Variants in RTF1 observed in about 807,000 individuals in gnomAD.
The protein encoded by RTF1 is RTF1 homolog, Paf1/RNA polymerase II complex component.
RTF1 carries 10 observed loss-of-function variants against 95.7 expected under a neutral mutation model. The observed-to-expected ratio is 0.10, with a 90% CI of 0.06 to 0.18. The LOEUF is 0.18. Ranked by LOEUF, RTF1 falls within the 10% of genes least tolerant of loss-of-function variation. The probability of loss-of-function intolerance (pLI) is 1.00; values close to 1 mark genes in which losing one functional copy is unlikely to be tolerated. For missense variants in RTF1, 458 were observed against 875.6 expected (o/e 0.52, Z 6.02); for synonymous variants, 305 against 311.8 (o/e 0.98, Z 0.23).
intron 3 of RTF1, among the ~76,000 whole-genome samples, chr15:41,454,925 A>G (rs1457201424): frequency 6.6e-6 from 1 of 152,182 alleles, no homozygotes; most frequent in Non-Finnish European, 1.5e-5. Context: ...CAGATAGACA[A>G]AATTTTCATC....
At chr15:41,441,830 C>G (rs2050737484) in intron 2 of RTF1, among the ~76,000 whole-genome samples, 1 of 152,176 alleles carries the variant, frequency 6.6e-6, no homozygotes, top group Non-Finnish European at 1.5e-5. Flanking sequence ...TATTGTAACT[C>G]TACTCCAGTC....
At position 41,464,933 on chromosome 15, in the gene RTF1, AGTGTGTGTGTGTGTGT is replaced by A. The variant is rs67065750; in HGVS notation, c.777+67_777+82del. Reference sequence around the variant, plus strand: ...TTGTCCAAAGAATAAACCTGTTTTGAGTGTGTGTGTGTGTGTGTGTGTGTGTGTGTGTGTAAAAGGT... The same window carrying A: ...TTGTCCAAAGAATAAACCTGTTTTGAGTGTGTGTGTGTGTGTGTAAAAGGT... On this transcript the variant is annotated intron_variant, in intron 5 of 17. Transcript: ENST00000389629. 200 of 1,304,738 alleles carry A rather than the reference AGTGTGTGTGTGTGTGT, an allele frequency of 1.5e-4. 3 individuals carry two copies. In the Admixed American group the frequency reaches 5.3e-3, roughly 35 times the overall value. The allele number at this position is 1,304,738 out of a possible 1,614,324, so 80.8% of individuals were successfully genotyped here.
chr15:41,462,628 C>T (rs1211401667), intron 4 of RTF1, among the ~76,000 whole-genome samples: 1 of 152,184 alleles, frequency 6.6e-6, no homozygotes, highest in Non-Finnish European at 1.5e-5. Context: ...CAGAGTTGTG[C>T]AATCATCACC....
chr15:41,418,609 G>A (rs564640430), intron 1 of RTF1, among the ~76,000 whole-genome samples: 2 of 152,138 alleles, frequency 1.3e-5, no homozygotes, highest in Admixed American at 1.3e-4. Flanking sequence ...TCGGGAGTTC[G>A]AGACCAGCCT....
chr15:41,432,861 C>T (rs1159373138), intron 1 of RTF1, among the ~76,000 whole-genome samples: 1 of 151,752 alleles, frequency 6.6e-6, no homozygotes, highest in African/African-American at 2.4e-5. Context: ...ATTGCTTGAA[C>T]CAGGAGGCCG....
In RTF1 at chr15:41,453,128, A is replaced by AGT. The variant is rs1555386242; in HGVS notation, c.457+81_457+82insTG. 7.8e-4 allele frequency: 978 copies of AGT among 1,252,116 alleles called. 10 individuals are homozygous for AGT. In the African/African-American group the frequency reaches 0.012, roughly 15 times the overall value. 77.6% of individuals were successfully genotyped at this position (1,252,116 alleles called of 1,614,324 possible). A position where few individuals can be genotyped will look rare whatever the true frequency, so the allele number is the denominator to read the frequency against. On this transcript the variant is annotated intron_variant, in intron 3 of 17. Transcript: ENST00000389629. Reference sequence around the variant, plus strand: ...GGTGCAAAGGCAGAAGTGGGGAGGAAGGGGGGTACTTGCATTCAGCATGAC... The same window carrying AGT: ...GGTGCAAAGGCAGAAGTGGGGAGGAAGTGGGGGGTACTTGCATTCAGCATGAC...
intron 7 of RTF1, 32 bp from the exon 8 acceptor site, chr15:41,471,140 C>A: frequency 6.4e-7 from 1 of 1,555,308 alleles, no homozygotes; most frequent in South Asian, 1.2e-5. Context: ...TTATGATGAA[C>A]ATTTTTTCCA....
chr15:41,426,783 G>A (rs1280546917), intron 1 of RTF1, among the ~76,000 whole-genome samples: 17 of 62,734 alleles, frequency 2.7e-4, no homozygotes, highest in African/African-American at 1.1e-3. Flanking sequence ...ACATATATAT[G>A]TGTGTGTGTG....
chr15:41,434,815 G>C (rs1460778055), intron 1 of RTF1, among the ~76,000 whole-genome samples: 3 of 151,838 alleles, frequency 2.0e-5, no homozygotes, highest in Admixed American at 2.0e-4. Context: ...TTTTAGTAGA[G>C]ACGGAGTTTC....
chr15:41,438,978 T>C (rs1229397774), intron 2 of RTF1, among the ~76,000 whole-genome samples: 1 of 151,910 alleles, frequency 6.6e-6, no homozygotes, highest in East Asian at 1.9e-4. Context: ...TTTTTTTTTT[T>C]TTTTCAGCCT....
chr15:41,437,813 G>A (rs76051793), intron 1 of RTF1, among the ~76,000 whole-genome samples: 1,766 of 152,276 alleles, frequency 0.012, 18 homozygotes, highest in Non-Finnish European at 0.02. Flanking sequence ...CTTACTGCTT[G>A]TTGTCACAGA....
At position 41,438,376 on chromosome 15, in the gene RTF1, C is replaced by T. The variant is rs1259669337; in HGVS notation, c.254C>T (p.Pro85Leu). The change falls in exon 2 of 18, where the codon CCT (proline) becomes CTT (leucine). Residue 85 changes from proline (P) to leucine (L), a missense_variant. By Grantham distance (98) the Pro-to-Leu change is moderately conservative. Transcript: ENST00000389629. ...KRSDSEEKEP[P>L]VSQPAASSDS... is the part of the protein sequence containing the mutation. ...AGTGACTCTGAGGAGAAGGAGCCGCCTGTGAGTCAGCCTGCAGCCTCGTCA... is the reference window on the plus strand; with the variant it reads ...AGTGACTCTGAGGAGAAGGAGCCGCTTGTGAGTCAGCCTGCAGCCTCGTCA... 4 of 1,551,256 alleles carry T rather than the reference C, an allele frequency of 2.6e-6. No homozygotes were observed. The highest frequency in any genetic ancestry group is 4.9e-5 in the East Asian group (2 of 40,932).
chr15:41,435,784 T>G (rs1458003708), intron 1 of RTF1, among the ~76,000 whole-genome samples: 1 of 152,222 alleles, frequency 6.6e-6, no homozygotes, highest in Admixed American at 6.5e-5. Context: ...CAGTCTGTCT[T>G]GGCACTTGAT....
At chr15:41,480,019 CTT>C (rs2050963256) in intron 16 of RTF1, among the ~76,000 whole-genome samples, 193 bp from the exon 17 acceptor site, 1 of 152,222 alleles carries the variant, frequency 6.6e-6, no homozygotes, top group Non-Finnish European at 1.5e-5. Flanking sequence ...AGCCTGCCCT[CTT>C]CTCTGTGCTT....
rs866515503 is a variant in RTF1, at chr15:41,471,992, G to A, written c.1203+643G>A. Reference sequence around the variant, plus strand: ...TGGCTCACTGCAACCTCCGCCTCCCGGGTTCAAGTGATTCTCCCGCCTCAG... The same window carrying A: ...TGGCTCACTGCAACCTCCGCCTCCCAGGTTCAAGTGATTCTCCCGCCTCAG... On this transcript the variant is annotated intron_variant, in intron 8 of 17. Transcript: ENST00000389629. Among the ~76,000 whole-genome samples the A allele has an allele frequency of 8.6e-5, 13 of 151,904 alleles. 1 individual carries two copies. The South Asian group carries it at 1.5e-3, about 17-fold the overall frequency.
rs533716770 is a variant in RTF1, at chr15:41,464,085, C to T, written c.663-686C>T. On this transcript the variant is annotated intron_variant, in intron 4 of 17. Coordinates refer to ENST00000389629, the MANE Select transcript of RTF1 (RefSeq NM_015138.5). ...CAGGATGGTCTCAATCTCCTGACCT[C>T]GTGATCCGTCCACCTTGGTTTCCCA... is the stretch of plus-strand genomic sequence containing the variant. Among the ~76,000 whole-genome samples, 8 of 150,420 alleles carry T rather than the reference C, an allele frequency of 5.3e-5. No individual in the cohort carries two copies. The South Asian group carries it at 1.3e-3, about 24-fold the overall frequency.
intron 1 of RTF1, among the ~76,000 whole-genome samples, chr15:41,437,283 C>T (rs1595428249): frequency 1.3e-5 from 2 of 151,628 alleles, no homozygotes; most frequent in East Asian, 3.9e-4. Context: ...ATCACGAGGT[C>T]AGGAGATCGA....
chr15:41,432,138 G>C (rs2050678110), intron 1 of RTF1, among the ~76,000 whole-genome samples: 1 of 151,368 alleles, frequency 6.6e-6, no homozygotes, highest in South Asian at 2.1e-4. Context: ...GTAGAAGAGG[G>C]ATTGTACTTA....
intron 2 of RTF1, among the ~76,000 whole-genome samples, chr15:41,448,345 G>A (rs2050773299): frequency 6.6e-6 from 1 of 151,926 alleles, no homozygotes; most frequent in Non-Finnish European, 1.5e-5. Context: ...TGGCTATACA[G>A]GTGATTAAAA....
Sources: allele counts gnomAD v4.1 joint callset (sites outside exome capture counted in the v4.1 genomes callset), GRCh38; gene constraint gnomAD v4.1.1; transcripts MANE v1.5; gene names NCBI Gene and HGNC (gene_info 2026-07-23, HGNC 2026-07-21).